PCDHA8: variants seen among roughly 807,000 people sequenced by gnomAD.
The protein encoded by PCDHA8 is protocadherin alpha-8.
A neutral mutation model predicts 61.8 loss-of-function variants in PCDHA8; 53 were observed. That is an observed-to-expected ratio of 0.86 (90% CI 0.69 to 1.08). The LOEUF (loss-of-function observed/expected upper bound fraction) is 1.08, where lower values mean the gene tolerates loss of function less well. Among genes scored for constraint, PCDHA8 ranks in the 50% least tolerant of loss-of-function variants. The pLI is 0.00. For synonymous variants in PCDHA8, 618 were observed against 556.6 expected (o/e 1.11, Z -1.55); for missense variants, 1,293 against 1,245.0 (o/e 1.04, Z -0.58).
rs533760082 is a variant in PCDHA8 at position 140,985,940 on chromosome 5, T to C, written c.2542+3377T>C. On this transcript the variant is annotated intron_variant, in intron 3 of 3. Coordinates refer to ENST00000531613, the MANE Select transcript of PCDHA8 (RefSeq NM_018911.3). ...ATTTTTAGTAGAGCCGGGGTTTCAC[T>C]GTGTTAGCCAGGATGGTCTCAATCT... is the stretch of plus-strand genomic sequence containing the variant. Among the ~76,000 whole-genome samples, 4 of 151,946 alleles carry C rather than the reference T, an allele frequency of 2.6e-5. No homozygotes were observed. In the South Asian group the frequency reaches 6.2e-4, roughly 24 times the overall value.
chr5:140,996,976 G>T (rs573896136), intron 3 of PCDHA8, among the ~76,000 whole-genome samples: 1 of 151,960 alleles, frequency 6.6e-6, no homozygotes, highest in Non-Finnish European at 1.5e-5. Context: ...CTCCCCTTTG[G>T]TGAAGCAACC....
intron 1 of PCDHA8, chr5:140,969,200 G>A: frequency 2.5e-6 from 4 of 1,614,132 alleles, no homozygotes; most frequent in Non-Finnish European, 3.4e-6. Context: ...TTACAATACA[G>A]GGGCCCAGAC....
At chr5:140,908,013 G>A (rs2073743163) in intron 1 of PCDHA8, among the ~76,000 whole-genome samples, 1 of 152,070 alleles carries the variant, frequency 6.6e-6, no homozygotes, top group Non-Finnish European at 1.5e-5. Context: ...CAAACCACTG[G>A]CTACAGCCCA....
chr5:140,878,556 A>C (rs959852623), intron 1 of PCDHA8, among the ~76,000 whole-genome samples: 1 of 152,156 alleles, frequency 6.6e-6, no homozygotes. Context: ...GATGATCCCA[A>C]ACTTATCATA....
At chr5:140,913,288 T>C (rs1452332608) in intron 1 of PCDHA8, among the ~76,000 whole-genome samples, 1 of 152,172 alleles carries the variant, frequency 6.6e-6, no homozygotes, top group Non-Finnish European at 1.5e-5. Context: ...GTTTAGGTTT[T>C]AATTTCTTCA....
intron 1 of PCDHA8, among the ~76,000 whole-genome samples, chr5:140,947,316 G>A (rs1325852826): frequency 2.6e-5 from 4 of 151,352 alleles, no homozygotes; most frequent in East Asian, 1.9e-4. Context: ...GTAAAAAGTC[G>A]GTTGACCATA....
intron 1 of PCDHA8, among the ~76,000 whole-genome samples, chr5:140,914,155 A>G (rs1432406316): frequency 6.6e-6 from 1 of 152,188 alleles, no homozygotes; most frequent in Admixed American, 6.5e-5. Flanking sequence ...GTTCTGTCCA[A>G]TACGGAAAGT....
intron 1 of PCDHA8, chr5:140,882,290 G>A: frequency 6.2e-7 from 1 of 1,613,532 alleles, no homozygotes; most frequent in Non-Finnish European, 8.5e-7. Flanking sequence ...CTGGCAAGGA[G>A]GCCCAAGACC....
At chr5:140,983,293 A>C (rs2097040232) in intron 3 of PCDHA8, among the ~76,000 whole-genome samples, 1 of 152,240 alleles carries the variant, frequency 6.6e-6, no homozygotes, top group African/African-American at 2.4e-5. Context: ...AAAATTGCTT[A>C]AACTCACATT....
intron 1 of PCDHA8, among the ~76,000 whole-genome samples, chr5:140,941,214 C>CCTTTCTTTCTTCCTTTCTTTCTTT (rs2092876516): frequency 2.3e-4 from 28 of 122,490 alleles, no homozygotes; most frequent in Middle Eastern, 4.2e-3. Context: ...TTTCTTTCTT[C>CCTTTCTTTCTTCCTTTCTTTCTTT]CTTTCTTTCT....
At chr5:140,868,935 G>A in intron 1 of PCDHA8, 1 of 1,171,026 alleles carries the variant, frequency 8.5e-7, no homozygotes, top group South Asian at 1.6e-5. Flanking sequence ...TTAAAGGTTG[G>A]TCTGAACAGT....
At chr5:140,941,217 T>TCCTTTCTTTCTTTCTTTCTTTCTG (rs2092892388) in intron 1 of PCDHA8, among the ~76,000 whole-genome samples, 1 of 126,078 alleles carries the variant, frequency 7.9e-6, no homozygotes, top group Non-Finnish European at 1.7e-5. Context: ...CTTTCTTCCT[T>TCCTTTCTTTCTTTCTTTCTTTCTG]TCTTTCTTTC....
chr5:141,010,285 C>G lies in PCDHA8; in HGVS notation c.*348C>G, dbSNP rs1214485732. ...CTCCGGGGATCCTGTCTTGATGACA[C>G]TTGCAGGGCAGGCTGAAAAGTTTTG... On this transcript the variant is annotated 3_prime_UTR_variant, in exon 4 of 4. Transcript: ENST00000531613. 1.3e-6 allele frequency: 2 copies of G among 1,550,576 alleles called. No individual in the cohort carries two copies. Among genetic ancestry groups the G allele is most frequent in the Non-Finnish European group, 1.7e-6 (2 of 1,146,690 alleles).
intron 1 of PCDHA8, chr5:140,850,121 G>T (rs2150468757): frequency 6.3e-7 from 1 of 1,595,960 alleles, no homozygotes; most frequent in Non-Finnish European, 8.6e-7. Flanking sequence ...ACGCGGGCGT[G>T]CCGCCTCTGG....
chr5:140,970,096 T>C (rs2096383552), intron 1 of PCDHA8, among the ~76,000 whole-genome samples: 1 of 152,066 alleles, frequency 6.6e-6, no homozygotes, highest in South Asian at 2.1e-4. Flanking sequence ...GGGGGGATGG[T>C]GAAGACCAAG....
chr5:140,860,512 T>A (rs1379513509), intron 1 of PCDHA8: 3 of 152,166 alleles, frequency 2.0e-5, no homozygotes, highest in African/African-American at 7.2e-5. Context: ...AAGATAAAAC[T>A]CTTCATGGAA....
chr5:140,933,772 C>T, intron 1 of PCDHA8, among the ~76,000 whole-genome samples: 1 of 152,176 alleles, frequency 6.6e-6, no homozygotes, highest in African/African-American at 2.4e-5. Flanking sequence ...TCTGTACCTA[C>T]AGTTTTCTTT....
At chr5:140,871,833 T>G (rs2053334975) in intron 1 of PCDHA8, among the ~76,000 whole-genome samples, 1 of 152,282 alleles carries the variant, frequency 6.6e-6, no homozygotes, top group African/African-American at 2.4e-5. Flanking sequence ...CCTTCATCTC[T>G]AAACTTCAAT....
Position 140,928,600 on chromosome 5 carries a change from G to C in PCDHA8, c.2395-50349G>C, listed in dbSNP as rs144698541. ...AAATGGTTCTGTCCCAGTGGAAATT[G>C]TGCCCCGCTCTGCCAGGACTGGACA... On this transcript the variant is annotated intron_variant, in intron 1 of 3. Coordinates refer to ENST00000531613, the MANE Select transcript of PCDHA8 (RefSeq NM_018911.3). 3.1e-6 allele frequency: 5 copies of C among 1,614,090 alleles called. No homozygotes were observed. In the African/African-American group the frequency reaches 6.7e-5, roughly 22 times the overall value.
Sources: gnomAD v4.1 joint callset for allele counts (sites outside exome capture counted in the v4.1 genomes callset) on GRCh38, gnomAD v4.1.1 for gene constraint, MANE v1.5 for transcripts, NCBI Gene and HGNC (gene_info 2026-07-23, HGNC 2026-07-21) for gene names.